Variants in ATP12A observed in about 807,000 individuals in gnomAD.
ATP12A encodes the protein ATPase H+/K+ transporting non-gastric alpha2 subunit, also known as potassium-transporting ATPase alpha chain 2.
Under a neutral mutation model 111.2 loss-of-function variants are expected in ATP12A, and 81 were observed. The observed-to-expected ratio is 0.73, with a 90% CI of 0.61 to 0.88. The LOEUF (loss-of-function observed/expected upper bound fraction) is 0.88, where lower values mean the gene tolerates loss of function less well. ATP12A is among the 40% of genes least tolerant of loss of function. The pLI is 0.00. For synonymous variants in ATP12A, 498 were observed against 499.8 expected (o/e 1.00, Z 0.05); for missense variants, 1,196 against 1,313.1 (o/e 0.91, Z 1.38).
At position 24,688,300 on chromosome 13, in the gene ATP12A, C is replaced by A; in HGVS notation, c.229-19C>A. The stretch of plus-strand genomic sequence containing the variant: ...CGTATTTGTTTTGGTTGTGCATGTG[C>A]TTTGTTTGGCTTTCCCAGGGTCTCT... On this transcript the variant is annotated intron_variant, in intron 3 of 22. Transcript: ENST00000381946. 3 of 1,599,004 alleles carry A rather than the reference C, an allele frequency of 1.9e-6. No individual in the cohort carries two copies. Among genetic ancestry groups the A allele is most frequent in the Non-Finnish European group, 1.7e-6 (2 of 1,171,804 alleles).
intron 17 of ATP12A, 83 bp from the exon 18 acceptor site, chr13:24,709,281 C>CCCCCCCCCCCCCG: frequency 4.9e-6 from 1 of 203,076 alleles, no homozygotes; most frequent in Non-Finnish European, 1.0e-5. Flanking sequence ...CAGCCAGTGC[C>CCCCCCCCCCCCCG]CCACCCACCC....
At chr13:24,689,220 C>T (rs916043436) in intron 4 of ATP12A, 42 bp from the exon 5 acceptor site, 14 of 1,553,826 alleles carry the variant, frequency 9.0e-6, no homozygotes, top group Non-Finnish European at 1.2e-5. Flanking sequence ...CGGCTGCTTC[C>T]CACTGCTGGT....
intron 17 of ATP12A, among the ~76,000 whole-genome samples, chr13:24,708,888 GA>G (rs1566078188): frequency 4.7e-4 from 54 of 114,128 alleles, no homozygotes; most frequent in African/African-American, 1.8e-3. Flanking sequence ...GAGAGAAAGA[GA>G]AAGAAAGAAA....
At chr13:24,710,375 C>A in intron 19 of ATP12A, 85 bp from the exon 20 acceptor site, 1 of 1,530,804 alleles carries the variant, frequency 6.5e-7, no homozygotes, top group Non-Finnish European at 8.9e-7. Context: ...GTGGAAAGAA[C>A]ATGAAGCTTT....
intron 21 of ATP12A, 51 bp downstream of exon 21, chr13:24,710,944 C>A (rs2137726704): frequency 6.6e-7 from 1 of 1,511,152 alleles, no homozygotes; most frequent in Non-Finnish European, 9.2e-7. Context: ...CTGCTTTGAG[C>A]TGTCGCAGCC....
Position 24,698,797 on chromosome 13 carries a change from A to C in ATP12A, c.1652A>C (p.Lys551Thr). 6.2e-7 allele frequency: 1 copy of C among 1,614,058 alleles called. No homozygotes were observed. Among genetic ancestry groups the C allele is most frequent in the South Asian group, 1.1e-5 (1 of 91,076 alleles). The change falls in exon 12 of 23, where the codon AAG becomes ACG. Residue 551 changes from lysine (K) to threonine (T), a missense_variant. Physicochemically the swap from Lys to Thr is moderately conservative, Grantham distance 78 (BLOSUM62 -1). Around this residue, in one of 3 missense-constraint regions of ATP12A, gnomAD observed 1,126 missense variants for 1,228.5 expected, o/e 0.92. Transcript: ENST00000381946. ...CACCCACTGGACAAGAGCACTGCCAAGACCTTCCACACAGCCTACATGGAG... is the reference window on the plus strand; with the variant it reads ...CACCCACTGGACAAGAGCACTGCCACGACCTTCCACACAGCCTACATGGAG... Reference protein sequence around the residue: ...EEHPLDKSTAKTFHTAYMELG... With the variant: ...EEHPLDKSTATTFHTAYMELG...
Position 24,711,517 on chromosome 13 carries a change from T to C in ATP12A, c.3115T>C (p.Tyr1039His), listed in dbSNP as rs1300359253. The C allele has an allele frequency of 6.2e-7, 1 of 1,614,162 alleles. No homozygotes were observed. Among genetic ancestry groups the C allele is most frequent in the Non-Finnish European group, 8.5e-7 (1 of 1,180,030 alleles). ...PGSWWDKNMY[Y>H] ...AGGCTGGTGGGATAAGAACATGTAT[T>C]ATTAAGACCACCTCCCTTCCTATGT... Residue 1039 changes from tyrosine (Y) to histidine (H), a missense_variant, in exon 23 of 23, where the codon TAT becomes CAT. Tyr to His is a moderately conservative substitution (Grantham distance 83). Coordinates refer to ENST00000381946, the MANE Select transcript of ATP12A (RefSeq NM_001676.7).
intron 3 of ATP12A, among the ~76,000 whole-genome samples, chr13:24,686,612 G>A (rs1232819486): frequency 5.9e-5 from 9 of 152,068 alleles, no homozygotes; most frequent in African/African-American, 1.4e-4. Flanking sequence ...GGTGGCGGGC[G>A]CCTGTAGTCC....
intron 13 of ATP12A, among the ~76,000 whole-genome samples, chr13:24,701,359 G>C (rs978792434): frequency 2.0e-5 from 3 of 151,990 alleles, no homozygotes; most frequent in African/African-American, 7.3e-5. Context: ...AAATTAGCCA[G>C]ATGTGGTGGC....
At chr13:24,702,816 A>G (rs1875452790) in intron 14 of ATP12A, among the ~76,000 whole-genome samples, 1 of 152,216 alleles carries the variant, frequency 6.6e-6, no homozygotes, top group Non-Finnish European at 1.5e-5. Context: ...GGCCAGTGTA[A>G]TGAGGGAGCC....
chr13:24,700,966 G>A (rs368666447), intron 13 of ATP12A, 44 bp downstream of exon 13: 13 of 1,593,432 alleles, frequency 8.2e-6, no homozygotes, highest in African/African-American at 5.4e-5. Flanking sequence ...TCTTTATGTC[G>A]TGTTCCTTTC....
intron 5 of ATP12A, among the ~76,000 whole-genome samples, 182 bp from the exon 6 acceptor site, chr13:24,690,156 T>C (rs735771): frequency 0.34 from 52,304 of 151,894 alleles, 9,569 homozygotes; most frequent in East Asian, 0.54. Context: ...GACAGCCTCA[T>C]GCTCCAGCAG....
intron 13 of ATP12A, 73 bp downstream of exon 13, chr13:24,700,995 C>T (rs567657366): frequency 2.6e-6 from 4 of 1,518,404 alleles, no homozygotes; most frequent in Non-Finnish European, 3.6e-6. Flanking sequence ...GTTTTCATAG[C>T]AGATGGTCAG....
chr13:24,690,202 T>C (rs577342569), intron 5 of ATP12A, 136 bp from the exon 6 acceptor site: 1 of 1,367,374 alleles, frequency 7.3e-7, no homozygotes, highest in South Asian at 1.4e-5. Flanking sequence ...GCAGGCTGCA[T>C]AACAGCATGG....
Position 24,690,404 on chromosome 13 carries a change from A to C in ATP12A, c.613A>C (p.Ile205Leu), listed in dbSNP as rs142334583. The part of the protein sequence containing the change: ...IPSEQLVVGD[I>L]VEVKGGDQIP... ...TTCAGAGCAGCTGGTGGTGGGGGAC[A>C]TTGTGGAGGTCAAAGGAGGAGACCA... is the stretch of plus-strand genomic sequence containing the variant. The change falls in exon 6 of 23, where the codon ATT becomes CTT. Residue 205 changes from isoleucine to leucine, a missense_variant. By Grantham distance (5) the Ile-to-Leu change is conservative (BLOSUM62 2). Coordinates refer to ENST00000381946, the MANE Select transcript of ATP12A (RefSeq NM_001676.7). 1 of 1,612,876 alleles carries C rather than the reference A, an allele frequency of 6.2e-7. No homozygotes were observed. Among genetic ancestry groups the C allele is most frequent in the Non-Finnish European group, 8.5e-7 (1 of 1,179,832 alleles).
chr13:24,687,130 C>T (rs1874701101), intron 3 of ATP12A, among the ~76,000 whole-genome samples: 1 of 151,914 alleles, frequency 6.6e-6, no homozygotes, highest in Non-Finnish European at 1.5e-5. Flanking sequence ...GAATCACTAC[C>T]ACAGAAAAAG....
rs762007095 is a variant in ATP12A, at chr13:24,700,951, TTC to T, written c.1881+31_1881+32del. The stretch of plus-strand genomic sequence containing the variant: ...GGAGTTATTTTCCTGACTCAAGAAG[TTC>T]TTTCTTTATGTCGTGTTCCTTTCTA... On this transcript the variant is annotated intron_variant, in intron 13 of 22. Coordinates refer to ENST00000381946, the MANE Select transcript of ATP12A (RefSeq NM_001676.7). 7 of 1,607,846 alleles carry T rather than the reference TTC, an allele frequency of 4.4e-6. No individual in the cohort carries two copies. In the South Asian group the frequency reaches 7.7e-5, roughly 18 times the overall value.
intron 14 of ATP12A, among the ~76,000 whole-genome samples, chr13:24,702,521 C>A (rs563860843): frequency 1.3e-5 from 2 of 152,172 alleles, no homozygotes; most frequent in African/African-American, 2.4e-5. Flanking sequence ...TGTAAACACA[C>A]CCTTCTTTTT....
intron 14 of ATP12A, among the ~76,000 whole-genome samples, chr13:24,702,799 A>G (rs1311601190): frequency 6.6e-6 from 1 of 152,228 alleles, no homozygotes; most frequent in Non-Finnish European, 1.5e-5. Flanking sequence ...AAAGCTAACA[A>G]TGATGTGGCC....
Sources: gnomAD v4.1 joint callset for allele counts (sites outside exome capture counted in the v4.1 genomes callset) on GRCh38, gnomAD v4.1.1 for gene constraint, gnomAD v4.1.1 regional missense constraint, MANE v1.5 for transcripts, NCBI Gene and HGNC (gene_info 2026-07-23, HGNC 2026-07-21) for gene names.